The following ID1 variants were observed in gnomAD, a reference collection of about 807,000 sequenced individuals.
ID1 encodes inhibitor of DNA binding 1, also known as DNA-binding protein inhibitor ID-1.
ID1 carries 8 observed loss-of-function variants against 11.3 expected under a neutral mutation model. That is an observed-to-expected ratio of 0.71 (90% CI 0.42 to 1.28). The LOEUF (loss-of-function observed/expected upper bound fraction) is 1.28. ID1 is among the 50% of genes most tolerant of loss of function. The pLI is 0.01. For synonymous variants in ID1, 176 were observed against 100.2 expected (o/e 1.76, Z -4.52); for missense variants, 347 against 219.8 (o/e 1.58, Z -3.66).
rs1239175325 is a variant in ID1 at position 31,606,241 on chromosome 20, C to T, written c.*147C>T. 3.6e-6 allele frequency: 3 copies of T among 826,642 alleles called. No individual in the cohort carries two copies. Among genetic ancestry groups the T allele is most frequent in the Non-Finnish European group, 6.0e-6 (3 of 503,492 alleles). 51.2% of individuals were successfully genotyped at this position (826,642 alleles called of 1,614,324 possible). ...CACTGCGCCCTTAACTGCATCCAGC[C>T]TGGGGCTGAGGCTGAGGCACTGGCG... On this transcript the variant is annotated 3_prime_UTR_variant, in exon 2 of 2. Transcript: ENST00000376112.
In ID1 at chr20:31,605,743, G is replaced by A. The variant is rs774109672; in HGVS notation, c.356G>A (p.Gly119Glu). 2.5e-6 allele frequency: 4 copies of A among 1,610,580 alleles called. No homozygotes were observed. The highest frequency in any genetic ancestry group is 3.4e-6 in the Non-Finnish European group (4 of 1,178,494). Reference sequence around the variant, plus strand: ...TCGGAATCCGAAGTTGGAACCCCCGGGGGCCGAGGGCTGCCGGTCCGGGCT... The same window carrying A: ...TCGGAATCCGAAGTTGGAACCCCCGAGGGCCGAGGGCTGCCGGTCCGGGCT... ...LNSESEVGTP[G>E]GRGLPVRAPL... Residue 119 changes from glycine to glutamate, a missense_variant, in exon 1 of 2, where the codon GGG becomes GAG. Coordinates refer to ENST00000376112, the MANE Select transcript of ID1 (RefSeq NM_002165.4).
chr20:31,605,767 C>A lies in ID1; in HGVS notation c.380C>A (p.Ala127Asp). The part of the protein sequence containing the change: ...TPGGRGLPVR[A>D]PLSTLNGEIS... ...GGGGGCCGAGGGCTGCCGGTCCGGG[C>A]TCCGCTCAGCACCCTCAACGGCGAG... The change falls in exon 1 of 2, where the codon GCT (alanine) becomes GAT (aspartate). Residue 127 changes from alanine (A) to aspartate (D), a missense_variant. Coordinates refer to ENST00000376112, the MANE Select transcript of ID1 (RefSeq NM_002165.4). 6.2e-7 allele frequency: 1 copy of A among 1,610,572 alleles called. No individual in the cohort carries two copies. Among genetic ancestry groups the A allele is most frequent in the East Asian group, 2.2e-5 (1 of 44,668 alleles).
rs759645814 is a variant in ID1 at position 31,605,372 on chromosome 20, C to G, written c.-16C>G. ...TTTCGCTTTGCCCATTCTGTTTCAG[C>G]CAGTCGCCAAGAATCATGAAAGTCG... On this transcript the variant is annotated 5_prime_UTR_variant, in exon 1 of 2. Coordinates refer to ENST00000376112, the MANE Select transcript of ID1 (RefSeq NM_002165.4). 1 of 1,592,462 alleles carries G rather than the reference C, an allele frequency of 6.3e-7. No individual in the cohort carries two copies. The highest frequency in any genetic ancestry group is 1.1e-5 in the South Asian group (1 of 90,066).
rs772826659 is a variant in ID1, at chr20:31,605,746, G to A, written c.359G>A (p.Gly120Asp). 7.5e-6 allele frequency: 12 copies of A among 1,609,508 alleles called. No homozygotes were observed. In the East Asian group the frequency reaches 2.5e-4, roughly 33 times the overall value. The change falls in exon 1 of 2, where the codon GGC (glycine) becomes GAC (aspartate). Residue 120 changes from glycine to aspartate, a missense_variant. Gly to Asp is a moderately conservative substitution (Grantham distance 94, BLOSUM62 -1). Coordinates refer to ENST00000376112, the MANE Select transcript of ID1 (RefSeq NM_002165.4). ...NSESEVGTPG[G>D]RGLPVRAPLS... ...GAATCCGAAGTTGGAACCCCCGGGGGCCGAGGGCTGCCGGTCCGGGCTCCG... is the reference window on the plus strand; with the variant it reads ...GAATCCGAAGTTGGAACCCCCGGGGACCGAGGGCTGCCGGTCCGGGCTCCG...
chr20:31,606,361 A>G lies in ID1; in HGVS notation c.*267A>G, dbSNP rs917719003. ...TGTTTCTATTTTTTGAAAAGCAGAC[A>G]TTTTAAAAAATGGTCACGTTTGGTG... is the stretch of plus-strand genomic sequence containing the variant. On this transcript the variant is annotated 3_prime_UTR_variant, in exon 2 of 2. Coordinates refer to ENST00000376112, the MANE Select transcript of ID1 (RefSeq NM_002165.4). 1.1e-5 allele frequency: 6 copies of G among 549,548 alleles called. No homozygotes were observed. Among genetic ancestry groups the G allele is most frequent in the African/African-American group, 7.6e-5 (4 of 52,638 alleles). The allele number at this position is 549,548 out of a possible 1,614,324, so 34.0% of individuals were successfully genotyped here.
chr20:31,606,200 A>G lies in ID1; in HGVS notation c.*106A>G. 1 of 1,218,082 alleles carries G rather than the reference A, an allele frequency of 8.2e-7. No individual in the cohort carries two copies. Among genetic ancestry groups the G allele is most frequent in the East Asian group, 2.5e-5 (1 of 40,384 alleles). The allele number at this position is 1,218,082 out of a possible 1,614,324, so 75.5% of individuals were successfully genotyped here. A position where few individuals can be genotyped will look rare whatever the true frequency, so the allele number is the denominator to read the frequency against. ...CGCCTCGCCGGATCTGAGGGAGAAC[A>G]AGACCGATCGGCGGCCACTGCGCCC... On this transcript the variant is annotated 3_prime_UTR_variant, in exon 2 of 2. Transcript: ENST00000376112.
rs771359656 is a variant in ID1, at chr20:31,606,040, C to T, written c.427-13C>T. 5.6e-6 allele frequency: 9 copies of T among 1,612,492 alleles called. No individual in the cohort carries two copies. The highest frequency in any genetic ancestry group is 2.2e-5 in the East Asian group (1 of 44,898). On this transcript the variant is annotated splice_polypyrimidine_tract_variant and intron_variant, in intron 1 of 1. Transcript: ENST00000376112. The stretch of plus-strand genomic sequence containing the variant: ...TTCCAACCCGCCGGTCTCATTTCTT[C>T]TCGTTTTCACAGGCGGCATGCGTTC...
chr20:31,606,212 C>T lies in ID1; in HGVS notation c.*118C>T. The T allele has an allele frequency of 9.3e-7, 1 of 1,079,476 alleles. No homozygotes were observed. The highest frequency in any genetic ancestry group is 1.4e-6 in the Non-Finnish European group (1 of 720,412). The allele number at this position is 1,079,476 out of a possible 1,614,324, so 66.9% of individuals were successfully genotyped here. A position where few individuals can be genotyped will look rare whatever the true frequency, so the allele number is the denominator to read the frequency against. On this transcript the variant is annotated 3_prime_UTR_variant, in exon 2 of 2. Coordinates refer to ENST00000376112, the MANE Select transcript of ID1 (RefSeq NM_002165.4). ...TCTGAGGGAGAACAAGACCGATCGG[C>T]GGCCACTGCGCCCTTAACTGCATCC...
In ID1 at chr20:31,605,495, T is replaced by G. The variant is rs1339884141; in HGVS notation, c.108T>G (p.Ser36=). The change falls in exon 1 of 2, where the codon TCT becomes TCG. Residue 36 remains serine, a synonymous_variant. Coordinates refer to ENST00000376112, the MANE Select transcript of ID1 (RefSeq NM_002165.4). ...CGGGCGAGGTGGTGCGCTGTCTGTC[T>G]GAGCAGAGCGTGGCCATCTCGCGCT... ...SGAGEVVRCL[S]EQSVAISRCA... 1.2e-6 allele frequency: 2 copies of G among 1,602,142 alleles called. No homozygotes were observed. Among genetic ancestry groups the G allele is most frequent in the Admixed American group, 1.7e-5 (1 of 58,480 alleles).
At position 31,605,734 on chromosome 20, in the gene ID1, G is replaced by C. The variant is rs757240465; in HGVS notation, c.347G>C (p.Gly116Ala). 3 of 1,610,936 alleles carry C rather than the reference G, an allele frequency of 1.9e-6. No homozygotes were observed. Among genetic ancestry groups the C allele is most frequent in the East Asian group, 4.5e-5 (2 of 44,624 alleles). The change falls in exon 1 of 2, where the codon GGA (glycine) becomes GCA (alanine). Residue 116 changes from glycine to alanine, a missense_variant. Coordinates refer to ENST00000376112, the MANE Select transcript of ID1 (RefSeq NM_002165.4). ...GAGCTGAACTCGGAATCCGAAGTTG[G>C]AACCCCCGGGGGCCGAGGGCTGCCG... is the stretch of plus-strand genomic sequence containing the variant. ...QLELNSESEV[G>A]TPGGRGLPVR...
Position 31,605,817 on chromosome 20 carries a change from A to C in ID1, c.426+4A>C. 6.2e-7 allele frequency: 1 copy of C among 1,611,124 alleles called. No individual in the cohort carries two copies. The highest frequency in any genetic ancestry group is 8.5e-7 in the Non-Finnish European group (1 of 1,178,804). On this transcript the variant is annotated splice_donor_region_variant and intron_variant, in intron 1 of 1. Coordinates refer to ENST00000376112, the MANE Select transcript of ID1 (RefSeq NM_002165.4). ...GATCAGCGCCCTGACGGCCGAGGTG[A>C]GATCCAGATCCGACCACTAGATCAT...
At chr20:31,605,963 C>A (rs1986091691) in intron 1 of ID1, 90 bp from the exon 2 acceptor site, 2 of 1,605,830 alleles carry the variant, frequency 1.2e-6, no homozygotes, top group East Asian at 2.2e-5. Flanking sequence ...AAGCGCTCCC[C>A]CGTCGTGCTT....
Position 31,605,745 on chromosome 20 carries a change from G to A in ID1, c.358G>A (p.Gly120Ser), listed in dbSNP as rs1347454085. ...GGAATCCGAAGTTGGAACCCCCGGGGGCCGAGGGCTGCCGGTCCGGGCTCC... is the reference window on the plus strand; with the variant it reads ...GGAATCCGAAGTTGGAACCCCCGGGAGCCGAGGGCTGCCGGTCCGGGCTCC... Reference protein sequence around the residue: ...NSESEVGTPGGRGLPVRAPLS... With the variant: ...NSESEVGTPGSRGLPVRAPLS... The change falls in exon 1 of 2, where the codon GGC becomes AGC. Residue 120 changes from glycine (G) to serine (S), a missense_variant. Coordinates refer to ENST00000376112, the MANE Select transcript of ID1 (RefSeq NM_002165.4). The A allele has an allele frequency of 6.2e-7, 1 of 1,610,586 alleles. No homozygotes were observed. The highest frequency in any genetic ancestry group is 8.5e-7 in the Non-Finnish European group (1 of 1,178,514).
Position 31,605,813 on chromosome 20 carries a change from G to T in ID1, c.426G>T (p.Glu142Asp). The change falls in exon 1 of 2, where the codon GAG (glutamate) becomes GAT (aspartate). Residue 142 changes from glutamate (E) to aspartate (D), a missense_variant and splice_region_variant. By Grantham distance (45) the Glu-to-Asp change is conservative. Transcript: ENST00000376112. The part of the protein sequence containing the change: ...LNGEISALTA[E>D]AACVPADDRI... ...GCGAGATCAGCGCCCTGACGGCCGA[G>T]GTGAGATCCAGATCCGACCACTAGA... The T allele has an allele frequency of 6.2e-7, 1 of 1,611,474 alleles. No homozygotes were observed. The highest frequency in any genetic ancestry group is 8.5e-7 in the Non-Finnish European group (1 of 1,178,964).
chr20:31,605,326 T>A lies in ID1; in HGVS notation c.-62T>A, dbSNP rs1600699945. The A allele has an allele frequency of 6.8e-7, 1 of 1,471,416 alleles. No homozygotes were observed. Among genetic ancestry groups the A allele is most frequent in the Non-Finnish European group, 9.2e-7 (1 of 1,087,860 alleles). 91.1% of individuals were successfully genotyped at this position (1,471,416 alleles called of 1,614,324 possible). A position where few individuals can be genotyped will look rare whatever the true frequency, so the allele number is the denominator to read the frequency against. ...TAACTGTTCCATTTTCCGTATCTGCTTCGGGCTTCCACCTCATTTTTTTCG... is the reference window on the plus strand; with the variant it reads ...TAACTGTTCCATTTTCCGTATCTGCATCGGGCTTCCACCTCATTTTTTTCG... On this transcript the variant is annotated 5_prime_UTR_variant, in exon 1 of 2. Coordinates refer to ENST00000376112, the MANE Select transcript of ID1 (RefSeq NM_002165.4).
chr20:31,605,762 C>T lies in ID1; in HGVS notation c.375C>T (p.Val125=), dbSNP rs762354534. Reference sequence around the variant, plus strand: ...CCCCCGGGGGCCGAGGGCTGCCGGTCCGGGCTCCGCTCAGCACCCTCAACG... The same window carrying T: ...CCCCCGGGGGCCGAGGGCTGCCGGTTCGGGCTCCGCTCAGCACCCTCAACG... ...VGTPGGRGLP[V]RAPLSTLNGE... The change falls in exon 1 of 2, where the codon GTC becomes GTT. Residue 125 remains valine (V), a synonymous_variant. Transcript: ENST00000376112. The T allele has an allele frequency of 9.9e-6, 16 of 1,610,206 alleles. No homozygotes were observed. The highest frequency in any genetic ancestry group is 2.2e-5 in the South Asian group (2 of 90,518).
chr20:31,605,793 A>G lies in ID1; in HGVS notation c.406A>G (p.Ile136Val). Reference protein sequence around the residue: ...RAPLSTLNGEISALTAEAACV... With the variant: ...RAPLSTLNGEVSALTAEAACV... ...TCCGCTCAGCACCCTCAACGGCGAG[A>G]TCAGCGCCCTGACGGCCGAGGTGAG... is the stretch of plus-strand genomic sequence containing the variant. The change falls in exon 1 of 2, where the codon ATC (isoleucine) becomes GTC (valine). Residue 136 changes from isoleucine to valine, a missense_variant. Ile to Val is a conservative substitution (Grantham distance 29). Transcript: ENST00000376112. The G allele has an allele frequency of 6.2e-7, 1 of 1,611,570 alleles. No homozygotes were observed. Among genetic ancestry groups the G allele is most frequent in the Non-Finnish European group, 8.5e-7 (1 of 1,178,986 alleles).
In ID1 at chr20:31,606,257, G is replaced by A. The variant is rs1986107440; in HGVS notation, c.*163G>A. On this transcript the variant is annotated 3_prime_UTR_variant, in exon 2 of 2. Transcript: ENST00000376112. ...GCATCCAGCCTGGGGCTGAGGCTGA[G>A]GCACTGGCGAGGAGAGGGCGCTCCT... The A allele has an allele frequency of 4.2e-6, 3 of 720,892 alleles. No individual in the cohort carries two copies. Among genetic ancestry groups the A allele is most frequent in the Non-Finnish European group, 7.2e-6 (3 of 418,512 alleles). 44.7% of individuals were successfully genotyped at this position (720,892 alleles called of 1,614,324 possible).
At chr20:31,605,921 G>A in intron 1 of ID1, 108 bp downstream of exon 1, 3 of 1,583,534 alleles carry the variant, frequency 1.9e-6, no homozygotes, top group Non-Finnish European at 1.7e-6. Flanking sequence ...GCGGGTACCT[G>A]GCTATGCGGG....
Sources: gnomAD v4.1 joint callset for allele counts on GRCh38, gnomAD v4.1.1 for gene constraint, MANE v1.5 for transcripts, NCBI Gene and HGNC (gene_info 2026-07-23, HGNC 2026-07-21) for gene names.